FANCC: variants seen among roughly 807,000 people sequenced by gnomAD.
FANCC encodes the protein FA complementation group C.
A neutral mutation model predicts 71.3 loss-of-function variants in FANCC; 55 were observed. That is an observed-to-expected ratio of 0.77 (90% CI 0.62 to 0.97). FANCC has a LOEUF of 0.97. FANCC is among the 50% of genes least tolerant of loss of function. The pLI is 0.00. For missense variants in FANCC, 678 were observed against 670.9 expected (o/e 1.01, Z -0.12); for synonymous variants, 275 against 244.9 (o/e 1.12, Z -1.15).
At chr9:95,281,758 T>A (rs957131269) in intron 1 of FANCC, among the ~76,000 whole-genome samples, 1 of 152,052 alleles carries the variant, frequency 6.6e-6, no homozygotes, top group African/African-American at 2.4e-5. Flanking sequence ...TAAAAAGATA[T>A]AAATTTTGAC....
chr9:95,220,813 C>T (rs1194381746), intron 4 of FANCC, among the ~76,000 whole-genome samples: 1 of 152,038 alleles, frequency 6.6e-6, no homozygotes, highest in Non-Finnish European at 1.5e-5. Context: ...CACATGTATA[C>T]ATATGTAACA....
At chr9:95,204,957 T>C (rs1828029357) in intron 4 of FANCC, among the ~76,000 whole-genome samples, 1 of 152,206 alleles carries the variant, frequency 6.6e-6, no homozygotes, top group Non-Finnish European at 1.5e-5. Context: ...AATTTTTGTC[T>C]TAAATTAAGC....
In FANCC at chr9:95,252,484, C is replaced by T. The variant is rs183458608; in HGVS notation, c.-78-3115G>A. Among the ~76,000 whole-genome samples, 11 of 151,486 alleles carry T rather than the reference C, an allele frequency of 7.3e-5. No individual in the cohort carries two copies. The East Asian group carries it at 9.8e-4, about 13-fold the overall frequency. ...GCCCGGGGCTGGGCGCCGTGGCTCA[C>T]GCCTGTAATCCCAGCACTTTGGGAG... is the stretch of plus-strand genomic sequence containing the variant. On this transcript the variant is annotated intron_variant, in intron 1 of 14. Transcript: ENST00000289081.
chr9:95,231,543 T>C (rs746584449), intron 4 of FANCC, among the ~76,000 whole-genome samples: 5 of 152,206 alleles, frequency 3.3e-5, no homozygotes, highest in South Asian at 4.1e-4. Flanking sequence ...CCCCATTTTC[T>C]TCCTTTTCAC....
At chr9:95,311,043 G>A (rs1835367405) in intron 1 of FANCC, among the ~76,000 whole-genome samples, 1 of 152,098 alleles carries the variant, frequency 6.6e-6, no homozygotes, top group African/African-American at 2.4e-5. Flanking sequence ...AGGAGATCAA[G>A]ACCATCCTGG....
At chr9:95,246,978 C>T (rs774353321) in intron 3 of FANCC, among the ~76,000 whole-genome samples, 4 of 152,086 alleles carry the variant, frequency 2.6e-5, no homozygotes, top group East Asian at 1.9e-4. Context: ...GGCAAAGTCA[C>T]GGCAGGATTC....
At chr9:95,183,086 C>A (rs2135686562) in intron 4 of FANCC, among the ~76,000 whole-genome samples, 1 of 152,234 alleles carries the variant, frequency 6.6e-6, no homozygotes. Flanking sequence ...TTCACCCAGC[C>A]CCTTCCCACC....
chr9:95,128,839 T>G (rs1812142669), intron 8 of FANCC, among the ~76,000 whole-genome samples: 1 of 152,082 alleles, frequency 6.6e-6, no homozygotes, highest in Non-Finnish European at 1.5e-5. Context: ...TTAAAACAGG[T>G]AAGAGGCCAG....
At chr9:95,127,462 G>A (rs1649112057) in intron 8 of FANCC, 1 of 152,272 alleles carries the variant, frequency 6.6e-6, no homozygotes, top group African/African-American at 2.4e-5. Flanking sequence ...CAGATCATCA[G>A]AGGACAACCC....
intron 7 of FANCC, among the ~76,000 whole-genome samples, chr9:95,145,727 CCTGACTATGTGAGAA>C (rs1411527756): frequency 6.6e-6 from 1 of 152,084 alleles, no homozygotes; most frequent in Non-Finnish European, 1.5e-5. Context: ...ACAAAACAGG[CCTGACTATGTGAGAA>C]CTGAGAATGT....
chr9:95,214,713 G>A (rs575003496), intron 4 of FANCC, among the ~76,000 whole-genome samples: 1 of 152,340 alleles, frequency 6.6e-6, no homozygotes, highest in East Asian at 1.9e-4. Flanking sequence ...GAACATGGAT[G>A]AACCTTGATG....
At chr9:95,116,494 CAA>C (rs2072432696) in intron 11 of FANCC, among the ~76,000 whole-genome samples, 1 of 152,180 alleles carries the variant, frequency 6.6e-6, no homozygotes, top group South Asian at 2.1e-4. Flanking sequence ...TCTACTCACT[CAA>C]GTCTCAGAAA....
chr9:95,208,076 C>T (rs796225392), intron 4 of FANCC, among the ~76,000 whole-genome samples: 1 of 117,480 alleles, frequency 8.5e-6, no homozygotes, highest in Admixed American at 1.0e-4. Flanking sequence ...AATCCAGAAG[C>T]CTTTTTTTTT....
intron 4 of FANCC, among the ~76,000 whole-genome samples, chr9:95,186,949 G>A (rs1197292431): frequency 2.6e-5 from 4 of 151,992 alleles, no homozygotes; most frequent in Admixed American, 6.6e-5. Flanking sequence ...GCGCCACCAC[G>A]CCTGGCTAAT....
chr9:95,247,591 G>T, intron 2 of FANCC, 75 bp from the exon 3 acceptor site: 1 of 935,642 alleles, frequency 1.1e-6, no homozygotes, highest in Non-Finnish European at 1.8e-6. Context: ...ATTATAGATT[G>T]AGGGAACGTG....
Position 95,115,790 on chromosome 9 carries a change from G to A in FANCC, c.1073-1080C>T, listed in dbSNP as rs4647525. ...GCACAGCCTTTTGAAGGTATTTTTC[G>A]TTTCTTCCTTTTACTAGCTATTTAG... is the stretch of plus-strand genomic sequence containing the variant. On this transcript the variant is annotated intron_variant, in intron 11 of 14. Coordinates refer to ENST00000289081, the MANE Select transcript of FANCC (RefSeq NM_000136.3). Among the ~76,000 whole-genome samples the A allele has an allele frequency of 5.3e-5, 8 of 152,234 alleles. No homozygotes were observed. In the East Asian group the frequency reaches 1.5e-3, roughly 29 times the overall value.
intron 13 of FANCC, 117 bp from the exon 14 acceptor site, chr9:95,107,386 G>A (rs1245151076): frequency 1.8e-6 from 2 of 1,116,586 alleles, no homozygotes; most frequent in Non-Finnish European, 1.3e-6. Context: ...TGGCCCCTGA[G>A]AGAGGGAGCT....
chr9:95,300,607 C>G (rs546307942), intron 1 of FANCC, among the ~76,000 whole-genome samples: 3 of 152,204 alleles, frequency 2.0e-5, no homozygotes, highest in African/African-American at 4.8e-5. Context: ...ACTGCCACCA[C>G]GCCTGGCTAA....
At chr9:95,130,102 C>T (rs1826658430) in intron 8 of FANCC, among the ~76,000 whole-genome samples, 1 of 152,192 alleles carries the variant, frequency 6.6e-6, no homozygotes, top group Non-Finnish European at 1.5e-5. Context: ...TGTCACTCTG[C>T]ACCATGAACT....
Sources: allele counts gnomAD v4.1 joint callset (sites outside exome capture counted in the v4.1 genomes callset), GRCh38; gene constraint gnomAD v4.1.1; transcripts MANE v1.5; gene names NCBI Gene and HGNC (gene_info 2026-07-23, HGNC 2026-07-21).